FAM237A: variants seen among roughly 807,000 people sequenced by gnomAD.
FAM237A encodes the protein family with sequence similarity 237 member A, also known as protein FAM237A.
FAM237A carries 14 observed loss-of-function variants against 12.5 expected under a neutral mutation model. That is an observed-to-expected ratio of 1.12 (90% CI 0.74 to 1.75). FAM237A has a LOEUF of 1.75. Among genes scored for constraint, FAM237A ranks in the 40% most tolerant of loss-of-function variants. The probability of loss-of-function intolerance (pLI) is 0.00; values close to 1 mark genes in which losing one functional copy is unlikely to be tolerated. For missense variants in FAM237A, 240 were observed against 211.7 expected, an observed-to-expected ratio of 1.13 and a Z score of -0.83; for synonymous variants, 85 against 77.5, an observed-to-expected ratio of 1.10 and a Z score of -0.51.
rs1234100233 is a variant in FAM237A at position 206,644,415 on chromosome 2, T to C, written c.179T>C (p.Met60Thr). ...WESSSVLLLE[M>T]WKPRVSNTVS... is the part of the protein sequence containing the mutation. Reference sequence around the variant, plus strand: ...TCCTCCTCAGTGCTTCTCCTGGAAATGTGGAAACCTCGCGTTTCCAACACT... The same window carrying C: ...TCCTCCTCAGTGCTTCTCCTGGAAACGTGGAAACCTCGCGTTTCCAACACT... The change falls in exon 2 of 3, where the codon ATG becomes ACG. Residue 60 changes from methionine to threonine, a missense_variant. Transcript: ENST00000441223. 6 of 1,613,784 alleles carry C rather than the reference T, an allele frequency of 3.7e-6. No individual in the cohort carries two copies. The highest frequency in any genetic ancestry group is 4.5e-5 in the East Asian group (2 of 44,898).
At chr2:206,648,466 A>T (rs903009726) in intron 2 of FAM237A, among the ~76,000 whole-genome samples, 195 bp from the exon 3 acceptor site, 4 of 152,230 alleles carry the variant, frequency 2.6e-5, no homozygotes, top group African/African-American at 9.6e-5. Context: ...TTTAGATTAT[A>T]TAACTAAACT....
At chr2:206,646,166 G>A (rs1699314745) in intron 2 of FAM237A, among the ~76,000 whole-genome samples, 1 of 152,074 alleles carries the variant, frequency 6.6e-6, no homozygotes, top group Non-Finnish European at 1.5e-5. Context: ...AGCCGGATGT[G>A]GTGGCGGGCA....
At chr2:206,647,113 TTA>T (rs1411908655) in intron 2 of FAM237A, among the ~76,000 whole-genome samples, 1 of 152,204 alleles carries the variant, frequency 6.6e-6, no homozygotes, top group African/African-American at 2.4e-5. Flanking sequence ...ATCATATTTG[TTA>T]ATACTGAGTC....
intron 2 of FAM237A, among the ~76,000 whole-genome samples, chr2:206,646,023 C>T (rs2105882289): frequency 6.6e-6 from 1 of 152,128 alleles, no homozygotes; most frequent in Non-Finnish European, 1.5e-5. Flanking sequence ...ATCATATTGG[C>T]CAGGCATGGT....
At chr2:206,643,195 G>A (rs1699275411) in intron 1 of FAM237A, among the ~76,000 whole-genome samples, 1 of 152,056 alleles carries the variant, frequency 6.6e-6, no homozygotes, top group East Asian at 1.9e-4. Context: ...GCTGTATTTT[G>A]CTTGCTTTCA....
Position 206,644,639 on chromosome 2 carries a change from A to C in FAM237A, c.403A>C (p.Ser135Arg), listed in dbSNP as rs1699295464. 6 of 1,572,094 alleles carry C rather than the reference A, an allele frequency of 3.8e-6. No homozygotes were observed. The East Asian group carries it at 1.3e-4, about 35-fold the overall frequency. The change falls in exon 2 of 3, where the codon AGT becomes CGT. Residue 135 changes from serine (S) to arginine (R), a missense_variant. By Grantham distance (110) the Ser-to-Arg change is moderately radical. Coordinates refer to ENST00000441223, the MANE Select transcript of FAM237A (RefSeq NM_001102659.3). ...AGCAGCGCAGCCACAGCACACAAGG[A>C]GTAAACAAGGTGGTCAACCCCAGCT... Reference protein sequence around the residue: ...ISAAQPQHTRSKQGTYSQLLR... With the variant: ...ISAAQPQHTRRKQGTYSQLLR...
intron 2 of FAM237A, among the ~76,000 whole-genome samples, chr2:206,645,874 T>A (rs1233333208): frequency 6.6e-6 from 1 of 152,210 alleles, no homozygotes; most frequent in African/African-American, 2.4e-5. Context: ...TGAATATTTT[T>A]AAATGTTGGT....
At chr2:206,647,294 G>T (rs771158450) in intron 2 of FAM237A, among the ~76,000 whole-genome samples, 39 of 152,070 alleles carry the variant, frequency 2.6e-4, no homozygotes, top group Non-Finnish European at 5.0e-4. Context: ...AAAAAGAAAC[G>T]TATGAAAGGC....
intron 2 of FAM237A, among the ~76,000 whole-genome samples, chr2:206,645,692 C>T (rs950212323): frequency 1.3e-5 from 2 of 152,032 alleles, no homozygotes; most frequent in Non-Finnish European, 2.9e-5. Context: ...TTGTTTTAAC[C>T]TTAGTAATTA....
In FAM237A at chr2:206,642,954, G is replaced by T. The variant is rs900163020; in HGVS notation, c.-11+372G>T. Among the ~76,000 whole-genome samples, 1 of 152,176 alleles carries T rather than the reference G, an allele frequency of 6.6e-6. No homozygotes were observed. The highest frequency in any genetic ancestry group is 2.4e-5 in the African/African-American group (1 of 41,450). On this transcript the variant is annotated intron_variant, in intron 1 of 2. Coordinates refer to ENST00000441223, the MANE Select transcript of FAM237A (RefSeq NM_001102659.3). The surrounding 1 kb of genome is among the most constrained non-coding windows in gnomAD (Gnocchi z 5.1). ...GTTCGGAAAGGGACACAACAAATAT[G>T]ATTTCAAGTAGAGATAATGCATACA...
Position 206,648,707 on chromosome 2 carries a change from G to C in FAM237A, c.459G>C (p.Glu153Asp), listed in dbSNP as rs1699348226. 6.3e-7 allele frequency: 1 copy of C among 1,590,704 alleles called. No homozygotes were observed. The highest frequency in any genetic ancestry group is 1.8e-5 in the Admixed American group (1 of 56,998). Residue 153 changes from glutamate (E) to aspartate (D), a missense_variant, in exon 3 of 3, where the codon GAG becomes GAC. Physicochemically the swap from Glu to Asp is conservative, Grantham distance 45. Coordinates refer to ENST00000441223, the MANE Select transcript of FAM237A (RefSeq NM_001102659.3). Reference sequence around the variant, plus strand: ...GGACCTCCTTCCTAAAGAAGAAAGAGTTGATTGAAGATTTGATAAGCATGC... The same window carrying C: ...GGACCTCCTTCCTAAAGAAGAAAGACTTGATTGAAGATTTGATAAGCATGC... ...LLRTSFLKKK[E>D]LIEDLISMHV...
rs1281762761 is a variant in FAM237A at position 206,644,329 on chromosome 2, C to T, written c.93C>T (p.Phe31=). The T allele has an allele frequency of 1.2e-6, 2 of 1,613,562 alleles. No homozygotes were observed. The highest frequency in any genetic ancestry group is 1.1e-5 in the South Asian group (1 of 90,906). ...TGGGAATGTGCTGTGTATCTCCTTT[C>T]TTCTGCCATAGCCAGACAGACTTGC... ...LIVGMCCVSP[F]FCHSQTDLLA... Residue 31 remains phenylalanine, a synonymous_variant, in exon 2 of 3, where the codon TTC becomes TTT. Transcript: ENST00000441223.
At chr2:206,645,953 T>TC (rs1020732429) in intron 2 of FAM237A, among the ~76,000 whole-genome samples, 2 of 152,194 alleles carry the variant, frequency 1.3e-5, no homozygotes, top group African/African-American at 4.8e-5. Flanking sequence ...ACCATGGTTT[T>TC]TTTTTTTATT....
intron 1 of FAM237A, among the ~76,000 whole-genome samples, 156 bp from the exon 2 acceptor site, chr2:206,644,071 C>G (rs982519828): frequency 2.0e-5 from 3 of 152,154 alleles, no homozygotes; most frequent in Admixed American, 6.6e-5. Context: ...TTAGATAGAA[C>G]GGAGCTTGTG....
rs1210997630 is a variant in FAM237A at position 206,644,336 on chromosome 2, C to T, written c.100C>T (p.His34Tyr). 4 of 1,613,422 alleles carry T rather than the reference C, an allele frequency of 2.5e-6. No individual in the cohort carries two copies. Among genetic ancestry groups the T allele is most frequent in the Admixed American group, 3.3e-5 (2 of 59,942 alleles). The change falls in exon 2 of 3, where the codon CAT becomes TAT. Residue 34 changes from histidine to tyrosine, a missense_variant. Physicochemically the swap from His to Tyr is moderately conservative, Grantham distance 83 (BLOSUM62 2). Transcript: ENST00000441223. ...GMCCVSPFFC[H>Y]SQTDLLALSQ... ...GTGCTGTGTATCTCCTTTCTTCTGC[C>T]ATAGCCAGACAGACTTGCTGGCTCT...
chr2:206,644,202 T>C, intron 1 of FAM237A, 25 bp from the exon 2 acceptor site: 1 of 1,540,438 alleles, frequency 6.5e-7, no homozygotes, highest in African/African-American at 1.4e-5. Flanking sequence ...CGGGGACTGA[T>C]AAGAAATATT....
chr2:206,648,511 T>C, intron 2 of FAM237A, 150 bp from the exon 3 acceptor site: 1 of 723,764 alleles, frequency 1.4e-6, no homozygotes, highest in Non-Finnish European at 2.1e-6. Context: ...AATACACACT[T>C]ACATATATTC....
intron 2 of FAM237A, among the ~76,000 whole-genome samples, chr2:206,646,633 C>CA (rs910910323): frequency 5.9e-5 from 9 of 152,070 alleles, no homozygotes; most frequent in African/African-American, 1.7e-4. Flanking sequence ...ATGTTTGACA[C>CA]AAAAAATTGT....
chr2:206,644,828 T>C (rs1167560011), intron 2 of FAM237A, among the ~76,000 whole-genome samples, 180 bp downstream of exon 2: 1 of 152,212 alleles, frequency 6.6e-6, no homozygotes, highest in African/African-American at 2.4e-5. Flanking sequence ...TTGCATTGCA[T>C]AGTAGCTGTT....
Sources: gnomAD v4.1 joint callset for allele counts (sites outside exome capture counted in the v4.1 genomes callset) on GRCh38, gnomAD v4.1.1 for gene constraint, Gnocchi (gnomAD v3.1) non-coding constraint, MANE v1.5 for transcripts, NCBI Gene and HGNC (gene_info 2026-07-23, HGNC 2026-07-21) for gene names.